GRAP: variants seen among roughly 807,000 people sequenced by gnomAD.
GRAP encodes the protein GRB2 related adaptor protein.
In GRAP, 2 loss-of-function variants were observed where a neutral mutation model predicts 9.1. The observed-to-expected ratio is 0.22, with a 90% CI of 0.09 to 0.69. GRAP has a LOEUF of 0.69. GRAP is among the 30% of genes least tolerant of loss of function. The pLI is 0.81. For synonymous variants in GRAP, 68 were observed against 73.6 expected (o/e 0.92, Z 0.39); for missense variants, 113 against 179.4 (o/e 0.63, Z 2.12).
rs1004305910 is a variant in GRAP, at chr17:19,024,730, C to A, written c.300-347G>T. The stretch of plus-strand genomic sequence containing the variant: ...TGCACAGTGACTGGCATATTGGCAA[C>A]GTGAAATGGGTACCTCTGAGTGTGT... On this transcript the variant is annotated intron_variant, in intron 3 of 4. Transcript: ENST00000284154. The surrounding 1 kb of genome is among the most constrained non-coding windows in gnomAD (Gnocchi z 4.2). 6.6e-6 allele frequency among the ~76,000 whole-genome samples: 1 copy of A among 152,176 alleles called. No individual in the cohort carries two copies. The highest frequency in any genetic ancestry group is 1.5e-5 in the Non-Finnish European group (1 of 68,038).
chr17:19,022,252 G>A (rs1478635102), intron 4 of GRAP, 108 bp from the exon 5 acceptor site: 8 of 578,128 alleles, frequency 1.4e-5, no homozygotes, highest in South Asian at 8.0e-5. Context: ...GAGGGGTCTC[G>A]GGCAGCACCG....
intron 4 of GRAP, chr17:19,022,390 G>T (rs2044278617): frequency 2.6e-6 from 1 of 389,096 alleles, no homozygotes; most frequent in Non-Finnish European, 4.6e-6. Context: ...GCCCAGCTGG[G>T]ACAATAGGGC....
rs1210479898 is a variant in GRAP, at chr17:19,020,992, G to A, written c.*967C>T. The A allele has an allele frequency of 6.4e-6, 1 of 155,848 alleles. No individual in the cohort carries two copies. Among genetic ancestry groups the A allele is most frequent in the African/African-American group, 2.4e-5 (1 of 41,414 alleles). 9.7% of individuals were successfully genotyped at this position (155,848 alleles called of 1,614,324 possible). ...CACCTCACTTTTCCCTCTCCCAAAG[G>A]TGCCCAGGCTCTGGGCAGGCCCTGC... is the stretch of plus-strand genomic sequence containing the variant. On this transcript the variant is annotated 3_prime_UTR_variant, in exon 5 of 5. Coordinates refer to ENST00000284154, the MANE Select transcript of GRAP (RefSeq NM_006613.4).
At chr17:19,027,484 G>GCGCACA (rs1555583245) in intron 3 of GRAP, among the ~76,000 whole-genome samples, 3,587 of 120,976 alleles carry the variant, frequency 0.03, 41 homozygotes, top group African/African-American at 0.1. Context: ...GCGCGCGCGC[G>GCGCACA]CACACACACA....
chr17:19,025,661 A>G (rs1362391218), intron 3 of GRAP, among the ~76,000 whole-genome samples: 5 of 130,016 alleles, frequency 3.8e-5, no homozygotes, highest in Admixed American at 2.5e-4. Context: ...CACCCAGGCT[A>G]GAGTGCAATG....
intron 3 of GRAP, among the ~76,000 whole-genome samples, chr17:19,025,384 G>T (rs1009890622): frequency 1.4e-5 from 2 of 147,662 alleles, no homozygotes; most frequent in Admixed American, 1.4e-4. Context: ...AGTAGAGACG[G>T]GGTTTCACCA....
chr17:19,022,973 C>T (rs1299175865), intron 4 of GRAP, among the ~76,000 whole-genome samples: 7 of 152,216 alleles, frequency 4.6e-5, no homozygotes, highest in East Asian at 3.9e-4. Flanking sequence ...CCCCACGGCC[C>T]GGGCCAGAGC....
Position 19,021,726 on chromosome 17 carries a change from A to G in GRAP, c.*233T>C, listed in dbSNP as rs1168652996. On this transcript the variant is annotated 3_prime_UTR_variant, in exon 5 of 5. Transcript: ENST00000284154. This position sits in a 1 kb window ranked among gnomAD's most constrained non-coding sequence, Gnocchi z 4.1. ...TGTGGTGTCACACAGCTGGCAGCCA[A>G]TGGAAAGCAACCAGCCAGGAAGCCC... is the stretch of plus-strand genomic sequence containing the variant. 3 of 407,928 alleles carry G rather than the reference A, an allele frequency of 7.4e-6. No homozygotes were observed. Among genetic ancestry groups the G allele is most frequent in the Non-Finnish European group, 1.3e-5 (3 of 233,038 alleles). 25.3% of individuals were successfully genotyped at this position (407,928 alleles called of 1,614,324 possible). A position where few individuals can be genotyped will look rare whatever the true frequency, so the allele number is the denominator to read the frequency against.
In GRAP at chr17:19,021,040, T is replaced by C. The variant is rs2044257141; in HGVS notation, c.*919A>G. 1 of 152,816 alleles carries C rather than the reference T, an allele frequency of 6.5e-6. No individual in the cohort carries two copies. Among genetic ancestry groups the C allele is most frequent in the Non-Finnish European group, 1.5e-5 (1 of 68,544 alleles). The allele number at this position is 152,816 out of a possible 1,614,324, so 9.5% of individuals were successfully genotyped here. A position where few individuals can be genotyped will look rare whatever the true frequency, so the allele number is the denominator to read the frequency against. ...TGCTCATATCCCTGATCATGGCACA[T>C]TCTCTGGAGGACCCTCCTGTTCTCG... On this transcript the variant is annotated 3_prime_UTR_variant, in exon 5 of 5. Coordinates refer to ENST00000284154, the MANE Select transcript of GRAP (RefSeq NM_006613.4). This position sits in a 1 kb window ranked among gnomAD's most constrained non-coding sequence, Gnocchi z 4.1.
Position 19,024,875 on chromosome 17 carries a change from C to G in GRAP, c.300-492G>C, listed in dbSNP as rs2044300734. ...CTTGGGGAGCAAGTCCTAGACTCAT[C>G]CTGACTCAGACCAAAGCCTACTGCT... On this transcript the variant is annotated intron_variant, in intron 3 of 4. Transcript: ENST00000284154. The surrounding 1 kb of genome is among the most constrained non-coding windows in gnomAD (Gnocchi z 4.2). Among the ~76,000 whole-genome samples, 1 of 152,138 alleles carries G rather than the reference C, an allele frequency of 6.6e-6. No individual in the cohort carries two copies. The highest frequency in any genetic ancestry group is 2.1e-4 in the South Asian group (1 of 4,830).
In GRAP at chr17:19,024,397, C is replaced by T; in HGVS notation, c.300-14G>A. On this transcript the variant is annotated splice_polypyrimidine_tract_variant and intron_variant, in intron 3 of 4. Coordinates refer to ENST00000284154, the MANE Select transcript of GRAP (RefSeq NM_006613.4). This position sits in a 1 kb window ranked among gnomAD's most constrained non-coding sequence, Gnocchi z 4.2. ...TGGTCTCCATAGCTAGGGGAAAGGACCCGGGGCCACCTCAGGTGGTGGCCG... is the reference window on the plus strand; with the variant it reads ...TGGTCTCCATAGCTAGGGGAAAGGATCCGGGGCCACCTCAGGTGGTGGCCG... The T allele has an allele frequency of 6.2e-7, 1 of 1,607,086 alleles. No individual in the cohort carries two copies. Among genetic ancestry groups the T allele is most frequent in the Non-Finnish European group, 8.5e-7 (1 of 1,176,898 alleles).
rs948380177 is a variant in GRAP at position 19,024,178 on chromosome 17, G to A, written c.468+37C>T. On this transcript the variant is annotated intron_variant, in intron 4 of 4. Transcript: ENST00000284154. This position sits in a 1 kb window ranked among gnomAD's most constrained non-coding sequence, Gnocchi z 4.2. ...CCTGCTGCAGATGGCAGGAGGTGCA[G>A]AGAGGCTCCCACAGGCCAGCCCCCA... The A allele has an allele frequency of 1.9e-6, 3 of 1,550,926 alleles. No homozygotes were observed. Among genetic ancestry groups the A allele is most frequent in the African/African-American group, 2.7e-5 (2 of 73,302 alleles).
Position 19,024,207 on chromosome 17 carries a change from G to A in GRAP, c.468+8C>T, listed in dbSNP as rs1187276789. On this transcript the variant is annotated splice_region_variant and intron_variant, in intron 4 of 4. Coordinates refer to ENST00000284154, the MANE Select transcript of GRAP (RefSeq NM_006613.4). The surrounding 1 kb of genome is among the most constrained non-coding windows in gnomAD (Gnocchi z 4.2). ...GGCTCCCACAGGCCAGCCCCCACCC[G>A]CCCCTACCTTGAGCAAGGGCTCCTC... 5.4e-5 allele frequency: 85 copies of A among 1,574,268 alleles called. No individual in the cohort carries two copies. Among genetic ancestry groups the A allele is most frequent in the Middle Eastern group, 1.7e-4 (1 of 6,016 alleles).
rs2044297572 is a variant in GRAP, at chr17:19,024,459, CT to C, written c.300-77del. ...CATGGTCCCAGGGGCTCCCGTCTCACTACCACCTGGAACCAGCCTGTCTCAC... is the reference window on the plus strand; with the variant it reads ...CATGGTCCCAGGGGCTCCCGTCTCACACCACCTGGAACCAGCCTGTCTCAC... On this transcript the variant is annotated intron_variant, in intron 3 of 4. Coordinates refer to ENST00000284154, the MANE Select transcript of GRAP (RefSeq NM_006613.4). The surrounding 1 kb of genome is among the most constrained non-coding windows in gnomAD (Gnocchi z 4.2). 1 of 1,536,524 alleles carries C rather than the reference CT, an allele frequency of 6.5e-7. No homozygotes were observed. The highest frequency in any genetic ancestry group is 8.8e-7 in the Non-Finnish European group (1 of 1,139,042).
chr17:19,022,319 C>T, intron 4 of GRAP, 175 bp from the exon 5 acceptor site: 1 of 471,296 alleles, frequency 2.1e-6, no homozygotes, highest in Non-Finnish European at 3.8e-6. Context: ...TCCTGCTGCC[C>T]ACACCCCTGC....
At chr17:19,025,614 CTT>C (rs71155384) in intron 3 of GRAP, among the ~76,000 whole-genome samples, 7 of 116,144 alleles carry the variant, frequency 6.0e-5, no homozygotes, top group Admixed American at 2.0e-4. Context: ...TTTTTCTTTT[CTT>C]TTTTTTTTTT....
rs535108648 is a variant in GRAP at position 19,024,072 on chromosome 17, C to G, written c.468+143G>C. Reference sequence around the variant, plus strand: ...CGCCACCAGGATATAACTTCGAAGCCTGGGCTGGACGCCTCTTGCAATACC... The same window carrying G: ...CGCCACCAGGATATAACTTCGAAGCGTGGGCTGGACGCCTCTTGCAATACC... On this transcript the variant is annotated intron_variant, in intron 4 of 4. Transcript: ENST00000284154. This position sits in a 1 kb window ranked among gnomAD's most constrained non-coding sequence, Gnocchi z 4.2. 2 of 786,516 alleles carry G rather than the reference C, an allele frequency of 2.5e-6. No individual in the cohort carries two copies. Among genetic ancestry groups the G allele is most frequent in the Non-Finnish European group, 4.1e-6 (2 of 491,360 alleles). The allele number at this position is 786,516 out of a possible 1,614,324, so 48.7% of individuals were successfully genotyped here.
intron 3 of GRAP, chr17:19,030,238 C>A: frequency 2.3e-6 from 1 of 442,094 alleles, no homozygotes; most frequent in Non-Finnish European, 4.3e-6. Context: ...GCGGCAGCAG[C>A]AGCAGCAGCA....
Position 19,025,580 on chromosome 17 carries a change from C to T in GRAP, c.300-1197G>A, listed in dbSNP as rs544553653. On this transcript the variant is annotated intron_variant, in intron 3 of 4. Transcript: ENST00000284154. ...TCGCCCCAAGTACCTTCTAGCCCAG[C>T]GGAGGAGAGAGCCTGCTCTTTCTTT... 6.3e-3 allele frequency among the ~76,000 whole-genome samples: 840 copies of T among 134,166 alleles called. 14 individuals are homozygous for T. The highest frequency in any genetic ancestry group is 0.023 in the African/African-American group (806 of 35,094). The allele number at this position is 134,166 out of a possible 152,430, so 88.0% of individuals were successfully genotyped here.
Sources: allele counts gnomAD v4.1 joint callset (sites outside exome capture counted in the v4.1 genomes callset), GRCh38; gene constraint gnomAD v4.1.1; non-coding constraint Gnocchi (gnomAD v3.1); transcripts MANE v1.5; gene names NCBI Gene and HGNC (gene_info 2026-07-23, HGNC 2026-07-21).